Variants in LRRC9 observed in about 807,000 individuals in gnomAD.
The protein encoded by LRRC9 is leucine rich repeat containing 9.
Under a neutral mutation model 63.2 loss-of-function variants are expected in LRRC9, and 122 were observed. The observed-to-expected ratio is 1.93, with a 90% CI of 1.67 to 2.24. The LOEUF (loss-of-function observed/expected upper bound fraction) is 2.24. Among genes scored for constraint, LRRC9 ranks in the 30% most tolerant of loss-of-function variants. LRRC9 has a pLI of 0.00. For synonymous variants in LRRC9, 366 were observed against 213.1 expected, an observed-to-expected ratio of 1.72 and a Z score of -6.25; for missense variants, 1,071 against 627.7, an observed-to-expected ratio of 1.71 and a Z score of -7.55.
downstream of LRRC9, among the ~76,000 whole-genome samples, chr14:60,065,171 G>C (rs867122315): frequency 1.3e-5 from 2 of 152,138 alleles, no homozygotes; most frequent in African/African-American, 2.4e-5. Flanking sequence ...CACAAGGTCA[G>C]AAGTTCGAGA....
chr14:60,030,684 GA>G lies in LRRC9; in HGVS notation c.3922-1304del, dbSNP rs557853575. ...TGCTTAACAGTTGGCTCTCCAAGAG[GA>G]AAAAAATCCCTAATTAGTAACATTT... On this transcript the variant is annotated intron_variant, in intron 28 of 31. Transcript: ENST00000445360. Among the ~76,000 whole-genome samples the G allele has an allele frequency of 4.0e-3, 613 of 151,902 alleles. 1 individual carries two copies. Among genetic ancestry groups the G allele is most frequent in the Non-Finnish European group, 6.2e-3 (421 of 67,870 alleles).
At chr14:60,041,365 G>C (rs910996530) in intron 29 of LRRC9, among the ~76,000 whole-genome samples, 2 of 152,148 alleles carry the variant, frequency 1.3e-5, no homozygotes, top group Non-Finnish European at 2.9e-5. Context: ...TTCCAACTTG[G>C]TTCCATTCTC....
intron 13 of LRRC9, among the ~76,000 whole-genome samples, chr14:59,974,983 A>T (rs1885959977): frequency 6.9e-6 from 1 of 145,800 alleles, no homozygotes; most frequent in South Asian, 2.2e-4. Flanking sequence ...CATTTTTCAC[A>T]GTCTGCTTTT....
intron 29 of LRRC9, among the ~76,000 whole-genome samples, chr14:60,033,289 A>G (rs925452577): frequency 2.6e-5 from 4 of 152,002 alleles, no homozygotes; most frequent in Non-Finnish European, 5.9e-5. Flanking sequence ...TCCAATTCTC[A>G]TATTTTTAAT....
rs1248618673 is a variant in LRRC9 at position 60,017,007 on chromosome 14, C to T, written c.3317+217C>T. The stretch of plus-strand genomic sequence containing the variant: ...GCAGCTTCAACCTTGCAGGCTCAAT[C>T]GATCCTCCGACTATAGGCACGCACC... On this transcript the variant is annotated intron_variant, in intron 24 of 31. Transcript: ENST00000445360. The surrounding 1 kb of genome is among the most constrained non-coding windows in gnomAD (Gnocchi z 4.0). Among the ~76,000 whole-genome samples the T allele has an allele frequency of 6.6e-6, 1 of 151,834 alleles. No homozygotes were observed. Among genetic ancestry groups the T allele is most frequent in the African/African-American group, 2.4e-5 (1 of 41,332 alleles).
intron 21 of LRRC9, among the ~76,000 whole-genome samples, chr14:60,006,174 A>C (rs1889793256): frequency 6.6e-6 from 1 of 152,120 alleles, no homozygotes; most frequent in South Asian, 2.1e-4. Flanking sequence ...GAAGGAATCT[A>C]CTTAGAAATC....
rs1353498430 is a variant in LRRC9 at position 59,932,018 on chromosome 14, T to C, written c.522T>C (p.Gly174=). The stretch of plus-strand genomic sequence containing the variant: ...AACTGGAAAGATTAAACCTTTCTGG[T>C]AACCAAATATGTTCTTTCAAGGTAT... The change falls in exon 6 of 32, where the codon GGT becomes GGC. Residue 174 remains glycine, a synonymous_variant. Coordinates refer to ENST00000445360, the Ensembl canonical transcript of LRRC9. The surrounding 1 kb of genome is among the most constrained non-coding windows in gnomAD (Gnocchi z 4.7). 2 of 700,096 alleles carry C rather than the reference T, an allele frequency of 2.9e-6. No homozygotes were observed. Among genetic ancestry groups the C allele is most frequent in the East Asian group, 5.4e-5 (2 of 37,136 alleles). 43.4% of individuals were successfully genotyped at this position (700,096 alleles called of 1,614,324 possible). A position where few individuals can be genotyped will look rare whatever the true frequency, so the allele number is the denominator to read the frequency against.
In LRRC9 at chr14:59,990,938, A is replaced by G. The variant is rs536099271; in HGVS notation, c.2211+5714A>G. ...TGTTGATGGTGGTTTATCTCTACCAACTTCTTTTGGAGCCTATAGAGCAAC... is the reference window on the plus strand; with the variant it reads ...TGTTGATGGTGGTTTATCTCTACCAGCTTCTTTTGGAGCCTATAGAGCAAC... On this transcript the variant is annotated intron_variant, in intron 17 of 31. Transcript: ENST00000445360. This position sits in a 1 kb window ranked among gnomAD's most constrained non-coding sequence, Gnocchi z 4.2. Among the ~76,000 whole-genome samples, 6 of 152,122 alleles carry G rather than the reference A, an allele frequency of 3.9e-5. No homozygotes were observed. Among genetic ancestry groups the G allele is most frequent in the Non-Finnish European group, 8.8e-5 (6 of 68,026 alleles).
At position 60,041,562 on chromosome 14, in the gene LRRC9, G is replaced by A. The variant is rs115469827; in HGVS notation, c.3990+9499G>A. The stretch of plus-strand genomic sequence containing the variant: ...CTACTGAAGCTTGTGCATATGTCAC[G>A]CAGTTCTCCTGCCATGGTTTTCAGC... On this transcript the variant is annotated intron_variant, in intron 29 of 31. Coordinates refer to ENST00000445360, the Ensembl canonical transcript of LRRC9. 2.5e-3 allele frequency among the ~76,000 whole-genome samples: 374 copies of A among 152,232 alleles called. 1 individual carries two copies. Among genetic ancestry groups the A allele is most frequent in the African/African-American group, 8.7e-3 (361 of 41,554 alleles).
rs1406503509 is a variant in LRRC9 at position 59,922,279 on chromosome 14, G to T, written c.-34+2396G>T. 6.6e-6 allele frequency among the ~76,000 whole-genome samples: 1 copy of T among 152,110 alleles called. No individual in the cohort carries two copies. Among genetic ancestry groups the T allele is most frequent in the Non-Finnish European group, 1.5e-5 (1 of 68,016 alleles). On this transcript the variant is annotated intron_variant, in intron 1 of 31. Coordinates refer to ENST00000445360, the Ensembl canonical transcript of LRRC9. This position sits in a 1 kb window ranked among gnomAD's most constrained non-coding sequence, Gnocchi z 5.3. ...AATCAAAACATGTCCGCTGTCTTTG[G>T]CCATTAGAAGGTTATTTTTGACCTT...
At chr14:60,040,955 G>A (rs1394474780) in intron 29 of LRRC9, among the ~76,000 whole-genome samples, 2 of 151,906 alleles carry the variant, frequency 1.3e-5, no homozygotes, top group Non-Finnish European at 2.9e-5. Context: ...GGCAGGCCTG[G>A]TGGTGACAAA....
At position 60,022,883 on chromosome 14, in the gene LRRC9, ACT is replaced by A; in HGVS notation, c.3703+14_3703+15del. On this transcript the variant is annotated intron_variant, in intron 27 of 31. Coordinates refer to ENST00000445360, the Ensembl canonical transcript of LRRC9. ...CTCTTTCTACAGGGTGAGTAGAAAC[ACT>A]GTTACTGTATAAGTCTTTATTTTTA... 3.2e-6 allele frequency: 2 copies of A among 622,138 alleles called. No homozygotes were observed. Among genetic ancestry groups the A allele is most frequent in the Non-Finnish European group, 5.8e-6 (2 of 344,646 alleles). 38.5% of individuals were successfully genotyped at this position (622,138 alleles called of 1,614,324 possible). A position where few individuals can be genotyped will look rare whatever the true frequency, so the allele number is the denominator to read the frequency against.
At chr14:59,943,195 T>C (rs962746466) in intron 7 of LRRC9, among the ~76,000 whole-genome samples, 2 of 152,160 alleles carry the variant, frequency 1.3e-5, no homozygotes, top group East Asian at 1.9e-4. Flanking sequence ...TGTCTATTTA[T>C]GTTTTTGTTG....
intron 8 of LRRC9, among the ~76,000 whole-genome samples, chr14:59,945,560 G>T (rs1244008757): frequency 1.3e-5 from 2 of 151,762 alleles, no homozygotes; most frequent in Non-Finnish European, 2.9e-5. Context: ...CTAAATGAAA[G>T]AAATACTAGA....
intron 10 of LRRC9, among the ~76,000 whole-genome samples, chr14:59,963,646 C>T (rs1432904865): frequency 1.3e-5 from 2 of 152,002 alleles, no homozygotes; most frequent in Non-Finnish European, 2.9e-5. Context: ...TAGCCCAGTA[C>T]ATATTTACTA....
intron 17 of LRRC9, among the ~76,000 whole-genome samples, chr14:59,995,007 A>AT (rs1888599920): frequency 1.6e-5 from 1 of 61,680 alleles, no homozygotes; most frequent in South Asian, 3.8e-4. Context: ...TGAAAGTATA[A>AT]TAAAAAAAAA....
At chr14:59,947,189 G>C (rs1247304899) in intron 8 of LRRC9, among the ~76,000 whole-genome samples, 2 of 151,532 alleles carry the variant, frequency 1.3e-5, no homozygotes, top group East Asian at 3.9e-4. Flanking sequence ...ACTTTTTAAT[G>C]ATCACCATTC....
intron 23 of LRRC9, among the ~76,000 whole-genome samples, chr14:60,013,229 GAA>G (rs1448767818): frequency 6.6e-6 from 1 of 151,282 alleles, no homozygotes; most frequent in African/African-American, 2.4e-5. Flanking sequence ...TCTATATATA[GAA>G]ATATAGATAT....
exon 18 of LRRC9, chr14:59,997,786 T>C: frequency 1.4e-6 from 1 of 702,304 alleles, no homozygotes; most frequent in Non-Finnish European, 2.6e-6. Flanking sequence ...GAAATAAATA[T>C]GTTATGCAAA....
Sources: allele counts gnomAD v4.1 joint callset (sites outside exome capture counted in the v4.1 genomes callset), GRCh38; gene constraint gnomAD v4.1.1; non-coding constraint Gnocchi (gnomAD v3.1); transcripts MANE v1.5; gene names NCBI Gene and HGNC (gene_info 2026-07-23, HGNC 2026-07-21).